Variants in CUX1 observed in about 807,000 individuals in gnomAD.
The protein encoded by CUX1 is protein CASP.
Under a neutral mutation model 158.8 loss-of-function variants are expected in CUX1, and 31 were observed. The observed-to-expected ratio is 0.20, with a 90% confidence interval of 0.15 to 0.26. CUX1 has a LOEUF of 0.26. CUX1 is among the 10% of genes least tolerant of loss of function. The probability of loss-of-function intolerance (pLI) is 1.00; values close to 1 mark genes in which losing one functional copy is unlikely to be tolerated. For synonymous variants in CUX1, 879 were observed against 862.1 expected (o/e 1.02, Z -0.34); for missense variants, 1,589 against 2,014.6 (o/e 0.79, Z 4.04).
chr7:101,967,946 C>T (rs549142247), intron 2 of CUX1, among the ~76,000 whole-genome samples: 4 of 152,164 alleles, frequency 2.6e-5, no homozygotes, highest in South Asian at 2.1e-4. Flanking sequence ...CTGTGTTGCC[C>T]GGGCTGGAAT....
chr7:101,950,311 A>T (rs1171320675), intron 2 of CUX1, among the ~76,000 whole-genome samples: 1 of 152,038 alleles, frequency 6.6e-6, no homozygotes, highest in East Asian at 1.9e-4. Flanking sequence ...CGCTCGGCCC[A>T]GAAGACTTAT....
chr7:101,918,240 G>A (rs1009525188), intron 2 of CUX1, among the ~76,000 whole-genome samples: 2 of 152,154 alleles, frequency 1.3e-5, no homozygotes, highest in Non-Finnish European at 2.9e-5. Flanking sequence ...GATAAATGCC[G>A]CTTGTACTGC....
intron 21 of CUX1, among the ~76,000 whole-genome samples, chr7:102,229,403 C>A (rs1798715574): frequency 6.6e-6 from 1 of 151,020 alleles, no homozygotes; most frequent in Admixed American, 6.6e-5. Context: ...TCACTGAATG[C>A]CGGGTTCACG....
intron 9 of CUX1, among the ~76,000 whole-genome samples, chr7:102,169,334 G>T (rs1563342994): frequency 6.6e-6 from 1 of 152,146 alleles, no homozygotes; most frequent in Non-Finnish European, 1.5e-5. Context: ...TTCCCAAAGT[G>T]CCAGGATTAC....
intron 20 of CUX1, among the ~76,000 whole-genome samples, chr7:102,211,472 T>C (rs536619113): frequency 2.7e-5 from 4 of 150,860 alleles, no homozygotes; most frequent in African/African-American, 7.3e-5. Flanking sequence ...ACCTCTTCAA[T>C]TGGAGACATT....
At chr7:102,092,653 T>G (rs1828695288) in intron 4 of CUX1, among the ~76,000 whole-genome samples, 1 of 152,154 alleles carries the variant, frequency 6.6e-6, no homozygotes, top group South Asian at 2.1e-4. Context: ...GGCTCATGCC[T>G]GTAATCCCAG....
In CUX1 at chr7:101,917,674, C is replaced by T. The variant is rs531303533; in HGVS notation, c.141+1449C>T. ...TTCAGAGCAGACTTTCCTGGAACTC[C>T]GGTTTCCTGAGCGCTTGTCCTTGAC... is the stretch of plus-strand genomic sequence containing the variant. On this transcript the variant is annotated intron_variant, in intron 2 of 23. Coordinates refer to ENST00000292535, the MANE Select transcript of CUX1 (RefSeq NM_181552.4). Among the ~76,000 whole-genome samples the T allele has an allele frequency of 1.0e-3, 159 of 152,288 alleles. 1 individual carries two copies. Among genetic ancestry groups the T allele is most frequent in the African/African-American group, 3.7e-3 (154 of 41,552 alleles).
chr7:102,023,875 G>A (rs1381153499), intron 2 of CUX1, among the ~76,000 whole-genome samples: 1 of 152,148 alleles, frequency 6.6e-6, no homozygotes, highest in Non-Finnish European at 1.5e-5. Context: ...AACACACGTA[G>A]CTTTAATATC....
chr7:101,992,806 G>T (rs1444706922), intron 2 of CUX1, among the ~76,000 whole-genome samples: 2 of 70,060 alleles, frequency 2.9e-5, no homozygotes, highest in African/African-American at 1.1e-4. Flanking sequence ...CCCCCGCCCC[G>T]CCGGATTATT....
chr7:101,877,115 T>C (rs1043877722), intron 1 of CUX1, among the ~76,000 whole-genome samples: 2 of 152,244 alleles, frequency 1.3e-5, no homozygotes, highest in Non-Finnish European at 2.9e-5. Flanking sequence ...TACATTACTT[T>C]CCAGAAAAGT....
At chr7:102,092,429 C>T (rs1828675867) in intron 4 of CUX1, among the ~76,000 whole-genome samples, 1 of 152,236 alleles carries the variant, frequency 6.6e-6, no homozygotes, top group African/African-American at 2.4e-5. Flanking sequence ...TCCCTGTCCC[C>T]TTGTCTCTAG....
rs370612134 is a variant in CUX1 at position 102,115,282 on chromosome 7, C to T, written c.674+9C>T. The T allele has an allele frequency of 1.2e-4, 190 of 1,606,838 alleles. No individual in the cohort carries two copies. Among genetic ancestry groups the T allele is most frequent in the Non-Finnish European group, 1.6e-4 (186 of 1,178,322 alleles). ...GAAGAAACTACTGCAAAGTAAGTCT[C>T]TCTGCTTGGCCTCCCTTATCCGTAC... On this transcript the variant is annotated intron_variant, in intron 8 of 23. Transcript: ENST00000292535.
At position 102,248,983 on chromosome 7, in the gene CUX1, A is replaced by G; in HGVS notation, c.4459A>G (p.Ile1487Val). ...RKKKAANLNSIIHRLEKAASR... is the reference protein window; with the variant it reads ...RKKKAANLNSVIHRLEKAASR... ...GAAGAAGGCCGCGAACTTGAACAGC[A>G]TCATCCACCGCCTGGAGAAGGCCGC... The change falls in exon 24 of 24, where the codon ATC (isoleucine) becomes GTC (valine). Residue 1487 changes from isoleucine to valine, a missense_variant. By Grantham distance (29) the Ile-to-Val change is conservative. Coordinates refer to ENST00000292535, the MANE Select transcript of CUX1 (RefSeq NM_181552.4). This position sits in a 1 kb window ranked among gnomAD's most constrained non-coding sequence, Gnocchi z 5.8. 2 of 1,444,398 alleles carry G rather than the reference A, an allele frequency of 1.4e-6. No individual in the cohort carries two copies. The highest frequency in any genetic ancestry group is 9.2e-7 in the Non-Finnish European group (1 of 1,089,470). The allele number at this position is 1,444,398 out of a possible 1,614,324, so 89.5% of individuals were successfully genotyped here.
At chr7:101,912,929 C>A (rs1803665139) in intron 1 of CUX1, among the ~76,000 whole-genome samples, 1 of 152,156 alleles carries the variant, frequency 6.6e-6, no homozygotes, top group African/African-American at 2.4e-5. Context: ...TGGGCCGAGG[C>A]CTCTGCATTT....
At chr7:101,927,616 C>T (rs1805745348) in intron 2 of CUX1, among the ~76,000 whole-genome samples, 1 of 152,144 alleles carries the variant, frequency 6.6e-6, no homozygotes. Context: ...CGTCACTGCA[C>T]CCCAGCCTGG....
At chr7:102,060,360 G>A (rs936987238) in intron 3 of CUX1, among the ~76,000 whole-genome samples, 1 of 151,838 alleles carries the variant, frequency 6.6e-6, no homozygotes, top group African/African-American at 2.4e-5. Flanking sequence ...TCACGACGGG[G>A]AATAACCTAT....
intron 2 of CUX1, among the ~76,000 whole-genome samples, chr7:102,016,195 G>T (rs36053295): frequency 1.3e-5 from 2 of 151,852 alleles, no homozygotes; most frequent in Non-Finnish European, 2.9e-5. Flanking sequence ...CAGTCCTCTC[G>T]CCTTAACCTC....
chr7:102,058,707 T>C (rs1824434266), intron 3 of CUX1, among the ~76,000 whole-genome samples: 1 of 152,214 alleles, frequency 6.6e-6, no homozygotes, highest in Non-Finnish European at 1.5e-5. Flanking sequence ...TACAATTTTT[T>C]TATTGTACAC....
intron 11 of CUX1, among the ~76,000 whole-genome samples, chr7:102,189,363 TGC>T (rs200298228): frequency 5.5e-4 from 43 of 78,534 alleles, no homozygotes; most frequent in African/African-American, 1.3e-3. Flanking sequence ...TTTTTTTGGG[TGC>T]GGGGGGGGAT....
Sources: gnomAD v4.1 joint callset for allele counts (sites outside exome capture counted in the v4.1 genomes callset) on GRCh38, gnomAD v4.1.1 for gene constraint, Gnocchi (gnomAD v3.1) non-coding constraint, MANE v1.5 for transcripts, NCBI Gene and HGNC (gene_info 2026-07-23, HGNC 2026-07-21) for gene names.